The following KIF13A variants were observed in gnomAD, a reference collection of about 807,000 sequenced individuals.
KIF13A encodes the protein kinesin family member 13A.
Under a neutral mutation model 212.2 loss-of-function variants are expected in KIF13A, and 79 were observed. That is an observed-to-expected ratio of 0.37 (90% CI 0.31 to 0.45). KIF13A has a LOEUF of 0.45. KIF13A is among the 20% of genes least tolerant of loss of function. The pLI is 1.00. For missense variants in KIF13A, 1,901 were observed against 2,209.0 expected, an observed-to-expected ratio of 0.86 and a Z score of 2.79; for synonymous variants, 789 against 808.6, an observed-to-expected ratio of 0.98 and a Z score of 0.41.
chr6:17,791,675 C>T (rs912460421), intron 25 of KIF13A, among the ~76,000 whole-genome samples: 57 of 151,726 alleles, frequency 3.8e-4, no homozygotes, highest in African/African-American at 1.3e-3. Flanking sequence ...ACCAGGCAGG[C>T]GGATCATTTG....
intron 3 of KIF13A, among the ~76,000 whole-genome samples, chr6:17,882,930 T>C (rs1771208150): frequency 6.6e-6 from 1 of 152,266 alleles, no homozygotes; most frequent in Non-Finnish European, 1.5e-5. Flanking sequence ...AATCAGATTC[T>C]GTATGTGTGT....
In KIF13A at chr6:17,834,701, T is replaced by C. The variant is rs1765771209; in HGVS notation, c.1156-630A>G. On this transcript the variant is annotated intron_variant, in intron 11 of 38. Coordinates refer to ENST00000259711, the MANE Select transcript of KIF13A (RefSeq NM_022113.6). This position sits in a 1 kb window ranked among gnomAD's most constrained non-coding sequence, Gnocchi z 4.0. ...AACAAAATTTTGAGGGGAGAGGCCT[T>C]TACTTGTCAATAATATGCTTTGACA... is the stretch of plus-strand genomic sequence containing the variant. Among the ~76,000 whole-genome samples, 2 of 152,198 alleles carry C rather than the reference T, an allele frequency of 1.3e-5. No individual in the cohort carries two copies. Among genetic ancestry groups the C allele is most frequent in the African/African-American group, 4.8e-5 (2 of 41,440 alleles).
At position 17,775,939 on chromosome 6, in the gene KIF13A, T is replaced by TGGCGCAATCTCGGCGC. The variant is rs567496068; in HGVS notation, c.4171-893_4171-878dup. On this transcript the variant is annotated intron_variant, in intron 34 of 38. Transcript: ENST00000259711. ...TCTTGTTGCCCAGGCTGGAGTGCAA[T>TGGCGCAATCTCGGCGC]GGCGCAATCTCGGCGCACCGCAATC... is the stretch of plus-strand genomic sequence containing the variant. Among the ~76,000 whole-genome samples, 16 of 152,244 alleles carry TGGCGCAATCTCGGCGC rather than the reference T, an allele frequency of 1.1e-4. No individual in the cohort carries two copies. The South Asian group carries it at 2.1e-3, about 20-fold the overall frequency.
At chr6:17,939,808 T>G (rs1328416391) in intron 2 of KIF13A, among the ~76,000 whole-genome samples, 1 of 151,994 alleles carries the variant, frequency 6.6e-6, no homozygotes, top group Non-Finnish European at 1.5e-5. Flanking sequence ...ATCCCAGCAC[T>G]TTGGGAGGCG....
intron 29 of KIF13A, among the ~76,000 whole-genome samples, chr6:17,782,332 T>C (rs558389828): frequency 7.9e-5 from 12 of 152,214 alleles, no homozygotes; most frequent in African/African-American, 2.9e-4. Flanking sequence ...TAGGTACAAA[T>C]ATATTCATTA....
In KIF13A at chr6:17,799,536, G is replaced by T; in HGVS notation, c.2617-97C>A. The T allele has an allele frequency of 2.1e-6, 2 of 934,992 alleles. No individual in the cohort carries two copies. Among genetic ancestry groups the T allele is most frequent in the Non-Finnish European group, 1.6e-6 (1 of 641,442 alleles). The allele number at this position is 934,992 out of a possible 1,614,324, so 57.9% of individuals were successfully genotyped here. A position where few individuals can be genotyped will look rare whatever the true frequency, so the allele number is the denominator to read the frequency against. On this transcript the variant is annotated intron_variant, in intron 21 of 38. Coordinates refer to ENST00000259711, the MANE Select transcript of KIF13A (RefSeq NM_022113.6). The surrounding 1 kb of genome is among the most constrained non-coding windows in gnomAD (Gnocchi z 4.4). The stretch of plus-strand genomic sequence containing the variant: ...TTAAGAGTAAGCGATGAAACAAATT[G>T]GTCATCCATTTGACATGTGAAAATA...
rs1166556114 is a variant in KIF13A, at chr6:17,984,425, C to A, written c.146+2629G>T. 1.6e-6 allele frequency: 1 copy of A among 624,178 alleles called. No homozygotes were observed. The highest frequency in any genetic ancestry group is 2.0e-6 in the Non-Finnish European group (1 of 499,976). The allele number at this position is 624,178 out of a possible 1,614,324, so 38.7% of individuals were successfully genotyped here. The stretch of plus-strand genomic sequence containing the variant: ...TCAGAATGGTGATCAGTATACATAT[C>A]AACTACTAACCTGGACCTATGCAAT... On this transcript the variant is annotated intron_variant, in intron 2 of 38. Transcript: ENST00000259711. The surrounding 1 kb of genome is among the most constrained non-coding windows in gnomAD (Gnocchi z 5.0).
Position 17,816,969 on chromosome 6 carries a change from A to AC in KIF13A, c.2000+50dup. On this transcript the variant is annotated intron_variant, in intron 17 of 38. Transcript: ENST00000259711. The surrounding 1 kb of genome is among the most constrained non-coding windows in gnomAD (Gnocchi z 4.3). ...TGTCTCAAAAACCCCTCCCTCAAAG[A>AC]CCCACGGCCTTGGGGCCTTGACTCT... The AC allele has an allele frequency of 6.7e-7, 1 of 1,488,462 alleles. No homozygotes were observed. The highest frequency in any genetic ancestry group is 1.2e-5 in the South Asian group (1 of 83,104). The allele number at this position is 1,488,462 out of a possible 1,614,324, so 92.2% of individuals were successfully genotyped here.
intron 2 of KIF13A, among the ~76,000 whole-genome samples, chr6:17,901,038 A>G (rs897108492): frequency 7.0e-6 from 1 of 142,552 alleles, no homozygotes; most frequent in Non-Finnish European, 1.5e-5. Context: ...AGATCGTGCC[A>G]CTGCACTCCA....
Position 17,772,023 on chromosome 6 carries a change from C to G in KIF13A, c.4361G>C (p.Ser1454Thr). 2 of 1,613,870 alleles carry G rather than the reference C, an allele frequency of 1.2e-6. No homozygotes were observed. The highest frequency in any genetic ancestry group is 1.7e-6 in the Non-Finnish European group (2 of 1,179,838). Residue 1454 changes from serine (S) to threonine (T), a missense_variant, in exon 37 of 39, where the codon AGC becomes ACC. Ser to Thr is a moderately conservative substitution (Grantham distance 58). This residue lies in a region of KIF13A where 687 missense variants were observed against 759.1 expected (regional missense o/e 0.90). Coordinates refer to ENST00000259711, the MANE Select transcript of KIF13A (RefSeq NM_022113.6). This position sits in a 1 kb window ranked among gnomAD's most constrained non-coding sequence, Gnocchi z 4.8. ...CTGAGGAGAGAATGCTTTAAAAGGGCTGACGGTTAAGGCATGAGGAGTCTC... is the reference window on the plus strand; with the variant it reads ...CTGAGGAGAGAATGCTTTAAAAGGGGTGACGGTTAAGGCATGAGGAGTCTC... ...TSETPHALTV[S>T]PFKAFSPQPP...
chr6:17,965,095 G>A (rs1036103082), intron 2 of KIF13A, among the ~76,000 whole-genome samples: 11 of 152,052 alleles, frequency 7.2e-5, no homozygotes, highest in Admixed American at 4.6e-4. Flanking sequence ...TCCCCATAGC[G>A]CTGAGATTAA....
intron 20 of KIF13A, among the ~76,000 whole-genome samples, chr6:17,802,140 A>G (rs1057269492): frequency 7.9e-5 from 12 of 152,190 alleles, no homozygotes; most frequent in African/African-American, 2.4e-4. Context: ...TTAAAGGTAG[A>G]TCAGATCCAA....
At chr6:17,842,311 A>G (rs1285928291) in intron 9 of KIF13A, among the ~76,000 whole-genome samples, 1 of 152,026 alleles carries the variant, frequency 6.6e-6, no homozygotes, top group Non-Finnish European at 1.5e-5. Flanking sequence ...TCAGCCTCCC[A>G]AAGTGTTGGG....
At position 17,856,205 on chromosome 6, in the gene KIF13A, A is replaced by G. The variant is rs1768119937; in HGVS notation, c.221-83T>C. ...TTGTGTTAGTAACAATATTATGTCAATTCAAAAAAATGTTAAAAGTGTAGT... is the reference window on the plus strand; with the variant it reads ...TTGTGTTAGTAACAATATTATGTCAGTTCAAAAAAATGTTAAAAGTGTAGT... On this transcript the variant is annotated intron_variant, in intron 4 of 38. Transcript: ENST00000259711. This position sits in a 1 kb window ranked among gnomAD's most constrained non-coding sequence, Gnocchi z 4.5. The G allele has an allele frequency of 3.1e-6, 3 of 955,366 alleles. No individual in the cohort carries two copies. Among genetic ancestry groups the G allele is most frequent in the Admixed American group, 4.3e-5 (2 of 46,264 alleles). The allele number at this position is 955,366 out of a possible 1,614,324, so 59.2% of individuals were successfully genotyped here.
intron 38 of KIF13A, among the ~76,000 whole-genome samples, chr6:17,770,181 C>T (rs1221024354): frequency 1.3e-5 from 2 of 151,374 alleles, no homozygotes; most frequent in East Asian, 2.0e-4. Context: ...GACATGGTGT[C>T]GCTGGAAAAT....
Position 17,871,064 on chromosome 6 carries a change from C to A in KIF13A, c.220+2313G>T, listed in dbSNP as rs1194557993. 6.6e-6 allele frequency among the ~76,000 whole-genome samples: 1 copy of A among 152,252 alleles called. No homozygotes were observed. The highest frequency in any genetic ancestry group is 2.4e-5 in the African/African-American group (1 of 41,458). On this transcript the variant is annotated intron_variant, in intron 4 of 38. Transcript: ENST00000259711. This position sits in a 1 kb window ranked among gnomAD's most constrained non-coding sequence, Gnocchi z 4.4. Reference sequence around the variant, plus strand: ...GGTCTCACGTCAAAATCCATGTGCTCTCCTTGACACATGTCACTTCCTCTT... The same window carrying A: ...GGTCTCACGTCAAAATCCATGTGCTATCCTTGACACATGTCACTTCCTCTT...
chr6:17,956,971 C>A (rs1778401729), intron 2 of KIF13A, among the ~76,000 whole-genome samples: 1 of 152,096 alleles, frequency 6.6e-6, no homozygotes, highest in Non-Finnish European at 1.5e-5. Flanking sequence ...AACCTTGCTT[C>A]CCAGGTTCAA....
rs534134946 is a variant in KIF13A, at chr6:17,872,644, ATTTT to A, written c.220+729_220+732del. ...CTTTCATTTGCCAGTTAGAAAAATA[ATTTT>A]TTTTTATTTTTTTGAGACAGAGTCT... On this transcript the variant is annotated intron_variant, in intron 4 of 38. Coordinates refer to ENST00000259711, the MANE Select transcript of KIF13A (RefSeq NM_022113.6). This position sits in a 1 kb window ranked among gnomAD's most constrained non-coding sequence, Gnocchi z 4.7. Among the ~76,000 whole-genome samples the A allele has an allele frequency of 2.0e-5, 3 of 151,762 alleles. No homozygotes were observed. Among genetic ancestry groups the A allele is most frequent in the Non-Finnish European group, 4.4e-5 (3 of 67,964 alleles).
chr6:17,804,063 A>G (rs1762717694), intron 20 of KIF13A, among the ~76,000 whole-genome samples: 1 of 152,164 alleles, frequency 6.6e-6, no homozygotes, highest in East Asian at 1.9e-4. Context: ...GAGGCAAGAG[A>G]ATGGCGTGAA....
Sources: allele counts gnomAD v4.1 joint callset (sites outside exome capture counted in the v4.1 genomes callset), GRCh38; gene constraint gnomAD v4.1.1; regional missense constraint gnomAD v4.1.1; non-coding constraint Gnocchi (gnomAD v3.1); transcripts MANE v1.5; gene names NCBI Gene and HGNC (gene_info 2026-07-23, HGNC 2026-07-21).